RYR2: variants seen among roughly 807,000 people sequenced by gnomAD.
RYR2 encodes cardiac muscle ryanodine receptor-calcium release channel.
A neutral mutation model predicts 601.1 loss-of-function variants in RYR2; 227 were observed. The observed-to-expected ratio is 0.38, with a 90% CI of 0.34 to 0.42. RYR2 has a LOEUF of 0.42. Among genes scored for constraint, RYR2 ranks in the 10% least tolerant of loss-of-function variants. The probability of loss-of-function intolerance (pLI) is 1.00; values close to 1 mark genes in which losing one functional copy is unlikely to be tolerated. For synonymous variants in RYR2, 2,223 were observed against 2,175.1 expected (o/e 1.02, Z -0.61); for missense variants, 4,646 against 6,156.5 (o/e 0.75, Z 8.21).
At chr1:237,299,694 T>G (rs2149448915) in intron 2 of RYR2, among the ~76,000 whole-genome samples, 1 of 152,254 alleles carries the variant, frequency 6.6e-6, no homozygotes, top group South Asian at 2.1e-4. Context: ...TTCTGCTAAG[T>G]TTTATTGTGG....
chr1:237,645,696 T>C (rs946123243), intron 48 of RYR2, among the ~76,000 whole-genome samples: 2 of 152,186 alleles, frequency 1.3e-5, no homozygotes, highest in African/African-American at 4.8e-5. Context: ...AGTTGCTTTC[T>C]TTCCTTTTGT....
intron 29 of RYR2, among the ~76,000 whole-genome samples, chr1:237,569,913 C>A (rs1309058130): frequency 6.6e-6 from 1 of 152,058 alleles, no homozygotes; most frequent in East Asian, 1.9e-4. Context: ...GGCCTTTGAG[C>A]AGAGTTGTAA....
chr1:237,501,629 T>G (rs1210502154), intron 21 of RYR2, among the ~76,000 whole-genome samples: 1 of 152,238 alleles, frequency 6.6e-6, no homozygotes, highest in Non-Finnish European at 1.5e-5. Context: ...CTTTTAGTTA[T>G]AATTCTCCCA....
intron 1 of RYR2, among the ~76,000 whole-genome samples, chr1:237,207,227 G>A (rs1272946047): frequency 6.6e-6 from 1 of 152,054 alleles, no homozygotes; most frequent in African/African-American, 2.4e-5. Context: ...AGGTAATTAG[G>A]TGATGAGAGC....
At chr1:237,829,555 G>A (rs1663541533) in intron 102 of RYR2, among the ~76,000 whole-genome samples, 1 of 152,204 alleles carries the variant, frequency 6.6e-6, no homozygotes, top group Non-Finnish European at 1.5e-5. Flanking sequence ...GCTGATGAGT[G>A]TGATTTGAGC....
chr1:237,769,855 T>C (rs1385573854), intron 84 of RYR2, among the ~76,000 whole-genome samples: 1 of 152,144 alleles, frequency 6.6e-6, no homozygotes. Flanking sequence ...AGTGTTTTTT[T>C]TCCCCCCACG....
At chr1:237,465,918 A>T (rs1050086354) in intron 16 of RYR2, among the ~76,000 whole-genome samples, 1 of 152,212 alleles carries the variant, frequency 6.6e-6, no homozygotes, top group African/African-American at 2.4e-5. Context: ...TTCATTGTTG[A>T]CCAAATCATT....
intron 71 of RYR2, 124 bp from the exon 72 acceptor site, chr1:237,717,074 G>A: frequency 1.2e-6 from 1 of 803,952 alleles, no homozygotes; most frequent in Non-Finnish European, 1.9e-6. Context: ...AAAACAGGAG[G>A]ATTTTCAAAA....
At chr1:237,234,545 C>T (rs550699316) in intron 1 of RYR2, among the ~76,000 whole-genome samples, 2 of 152,212 alleles carry the variant, frequency 1.3e-5, no homozygotes, top group South Asian at 4.2e-4. Context: ...TTTTTATATA[C>T]TCCATGTTGG....
intron 100 of RYR2, among the ~76,000 whole-genome samples, chr1:237,816,557 C>T (rs1387669373): frequency 1.3e-5 from 2 of 151,954 alleles, no homozygotes; most frequent in Non-Finnish European, 2.9e-5. Context: ...GGCATGGTGG[C>T]GGACACCTGT....
intron 1 of RYR2, among the ~76,000 whole-genome samples, chr1:237,241,616 G>C (rs1011255121): frequency 6.6e-6 from 1 of 152,154 alleles, no homozygotes; most frequent in Non-Finnish European, 1.5e-5. Context: ...TAAAATGGTG[G>C]CTACTCCATA....
intron 78 of RYR2, 77 bp from the exon 79 acceptor site, chr1:237,733,628 T>C: frequency 1.1e-6 from 1 of 912,686 alleles, no homozygotes; most frequent in Non-Finnish European, 1.8e-6. Context: ...ACAAAGGTTA[T>C]TTTAAGCAGC....
intron 1 of RYR2, among the ~76,000 whole-genome samples, chr1:237,223,447 C>G (rs1196231575): frequency 2.0e-5 from 3 of 152,110 alleles, no homozygotes; most frequent in African/African-American, 7.2e-5. Context: ...TACATTTAAA[C>G]CATAGCATTA....
chr1:237,755,868 C>T (rs576785998), intron 80 of RYR2, among the ~76,000 whole-genome samples: 1 of 152,286 alleles, frequency 6.6e-6, no homozygotes, highest in African/African-American at 2.4e-5. Flanking sequence ...TTCAGTGATA[C>T]TTTGCAACTC....
intron 14 of RYR2, among the ~76,000 whole-genome samples, chr1:237,449,355 C>G (rs374141360): frequency 6.6e-6 from 1 of 152,214 alleles, no homozygotes; most frequent in South Asian, 2.1e-4. Context: ...CCACAGTCTA[C>G]CTTTAATTGA....
At chr1:237,297,926 ATTT>A (rs71661539) in intron 2 of RYR2, among the ~76,000 whole-genome samples, 2 of 133,366 alleles carry the variant, frequency 1.5e-5, no homozygotes, top group Admixed American at 7.8e-5. Flanking sequence ...AATTTTTTGT[ATTT>A]TTTTTTTTTT....
intron 2 of RYR2, among the ~76,000 whole-genome samples, chr1:237,299,102 T>C (rs1693093646): frequency 2.0e-5 from 3 of 150,370 alleles, no homozygotes; most frequent in Admixed American, 1.4e-4. Context: ...CCTGATCAAA[T>C]TATGAACAGT....
At chr1:237,350,602 A>AAAAATAT (rs1558665984) in intron 3 of RYR2, among the ~76,000 whole-genome samples, 8 of 36,992 alleles carry the variant, frequency 2.2e-4, no homozygotes, top group Non-Finnish European at 3.0e-4. Flanking sequence ...AAAAAAAAAA[A>AAAAATAT]ATATATATAT....
intron 1 of RYR2, among the ~76,000 whole-genome samples, chr1:237,073,018 C>T (rs1208245296): frequency 1.3e-5 from 2 of 151,584 alleles, no homozygotes; most frequent in African/African-American, 2.4e-5. Context: ...CACATATTTA[C>T]CTCAGGACCT....
Sources: allele counts gnomAD v4.1 joint callset (sites outside exome capture counted in the v4.1 genomes callset), GRCh38; gene constraint gnomAD v4.1.1; transcripts MANE v1.5; gene names NCBI Gene and HGNC (gene_info 2026-07-23, HGNC 2026-07-21).